Variants in RIC8B observed in about 807,000 individuals in gnomAD.
RIC8B encodes the protein chaperone Ric-8B.
Under a neutral mutation model 57.5 loss-of-function variants are expected in RIC8B, and 16 were observed. The observed-to-expected ratio is 0.28, with a 90% CI of 0.19 to 0.42. RIC8B has a LOEUF of 0.42. Ranked by LOEUF, RIC8B falls within the 10% of genes least tolerant of loss-of-function variation. The pLI is 1.00. For synonymous variants in RIC8B, 216 were observed against 250.8 expected, an observed-to-expected ratio of 0.86 and a Z score of 1.31; for missense variants, 481 against 677.0, an observed-to-expected ratio of 0.71 and a Z score of 3.21.
chr12:106,872,732 A>C (rs2136612706), intron 9 of RIC8B, among the ~76,000 whole-genome samples: 1 of 151,722 alleles, frequency 6.6e-6, no homozygotes, highest in South Asian at 2.1e-4. Flanking sequence ...AGGAAAGGTT[A>C]GCAAGGACCT....
chr12:106,803,215 CAAAAAAAAAA>C (rs55853235), intron 2 of RIC8B, among the ~76,000 whole-genome samples: 1 of 84,000 alleles, frequency 1.2e-5, no homozygotes, highest in Non-Finnish European at 2.2e-5. Context: ...TACCCTGTCT[CAAAAAAAAAA>C]AAAAAAAAAA....
intron 2 of RIC8B, among the ~76,000 whole-genome samples, chr12:106,813,823 A>G (rs1048967053): frequency 2.0e-5 from 3 of 152,192 alleles, no homozygotes; most frequent in African/African-American, 4.8e-5. Context: ...TGCCTCACAT[A>G]TAAGGGTAAG....
At chr12:106,848,344 A>G (rs1949301125) in intron 6 of RIC8B, among the ~76,000 whole-genome samples, 1 of 152,204 alleles carries the variant, frequency 6.6e-6, no homozygotes, top group South Asian at 2.1e-4. Context: ...ATTATGTGGA[A>G]TCCTGTACGG....
intron 4 of RIC8B, among the ~76,000 whole-genome samples, chr12:106,834,039 C>T (rs2046477173): frequency 6.6e-6 from 1 of 152,178 alleles, no homozygotes; most frequent in Non-Finnish European, 1.5e-5. Context: ...CAGTAAGATA[C>T]AAGTGCTATG....
At chr12:106,862,809 A>C (rs1949995724) in intron 8 of RIC8B, among the ~76,000 whole-genome samples, 1 of 152,168 alleles carries the variant, frequency 6.6e-6, no homozygotes, top group East Asian at 1.9e-4. Flanking sequence ...TGGAGCTTAC[A>C]TTCAGGCTAT....
At chr12:106,871,481 A>AAG (rs1433628056) in intron 9 of RIC8B, 1 of 140,046 alleles carries the variant, frequency 7.1e-6, no homozygotes, top group African/African-American at 2.7e-5. Flanking sequence ...TAAAAAAAAA[A>AAG]AAAAAAAAAA....
chr12:106,861,530 A>G (rs1949935265), intron 8 of RIC8B, among the ~76,000 whole-genome samples: 1 of 151,970 alleles, frequency 6.6e-6, no homozygotes, highest in Non-Finnish European at 1.5e-5. Context: ...TGTCCTAGAA[A>G]TAAAGACTTT....
intron 2 of RIC8B, among the ~76,000 whole-genome samples, chr12:106,807,203 A>G (rs1168250156): frequency 2.6e-5 from 4 of 152,228 alleles, no homozygotes; most frequent in African/African-American, 9.6e-5. Flanking sequence ...CAGATTCTGT[A>G]TGGTACATCA....
At chr12:106,869,719 A>G (rs1414433132) in intron 8 of RIC8B, among the ~76,000 whole-genome samples, 4 of 152,180 alleles carry the variant, frequency 2.6e-5, no homozygotes, top group Admixed American at 1.3e-4. Context: ...CAGGAGGAAC[A>G]CTTGAGCTCA....
Position 106,851,403 on chromosome 12 carries a change from A to ACT in RIC8B, c.1162-44_1162-43dup, listed in dbSNP as rs766649695. ...CAGTTGCATTGTACCATCCTCACTC[A>ACT]CTCTAGTAGCCTCGATTGATGATGG... On this transcript the variant is annotated intron_variant, in intron 6 of 9. Transcript: ENST00000392837. The ACT allele has an allele frequency of 8.8e-6, 14 of 1,582,726 alleles. No homozygotes were observed. In the South Asian group the frequency reaches 1.5e-4, roughly 16 times the overall value.
chr12:106,841,012 C>T (rs767023196), intron 4 of RIC8B, among the ~76,000 whole-genome samples: 2 of 152,142 alleles, frequency 1.3e-5, no homozygotes, highest in Non-Finnish European at 2.9e-5. Flanking sequence ...GTAACAATTT[C>T]TAAGTGCTTA....
intron 8 of RIC8B, among the ~76,000 whole-genome samples, chr12:106,864,357 C>G (rs2100176296): frequency 6.6e-6 from 1 of 152,068 alleles, no homozygotes; most frequent in African/African-American, 2.4e-5. Flanking sequence ...TCTGTGTTGC[C>G]TATTTCTCCA....
chr12:106,824,941 AGTAGTT>A (rs1297583091), intron 3 of RIC8B, among the ~76,000 whole-genome samples: 2 of 152,080 alleles, frequency 1.3e-5, no homozygotes, highest in Non-Finnish European at 2.9e-5. Flanking sequence ...ATAATTTTTT[AGTAGTT>A]TTTGAGGTAG....
At chr12:106,809,585 G>A (rs1202441174) in intron 2 of RIC8B, among the ~76,000 whole-genome samples, 1 of 149,072 alleles carries the variant, frequency 6.7e-6, no homozygotes, top group Non-Finnish European at 1.5e-5. Flanking sequence ...TTCTTAGATT[G>A]AGAAACATAA....
chr12:106,790,272 T>A (rs1005462595), intron 2 of RIC8B, among the ~76,000 whole-genome samples: 1 of 152,228 alleles, frequency 6.6e-6, no homozygotes, highest in African/African-American at 2.4e-5. Context: ...CTTGAAATTA[T>A]CATCCAGTAC....
intron 2 of RIC8B, among the ~76,000 whole-genome samples, chr12:106,797,475 A>C (rs916666832): frequency 1.3e-5 from 2 of 152,188 alleles, no homozygotes; most frequent in East Asian, 3.9e-4. Flanking sequence ...GTAGATTCAT[A>C]GTTGCCAGGG....
intron 4 of RIC8B, among the ~76,000 whole-genome samples, chr12:106,836,113 C>G (rs919164425): frequency 6.6e-6 from 1 of 152,200 alleles, no homozygotes; most frequent in Non-Finnish European, 1.5e-5. Context: ...CTTGATCTGT[C>G]AGCATCATTT....
chr12:106,876,407 A>G (rs1950667184), intron 9 of RIC8B, among the ~76,000 whole-genome samples: 1 of 152,194 alleles, frequency 6.6e-6, no homozygotes, highest in African/African-American at 2.4e-5. Context: ...ATTTAAGAGT[A>G]CATACACTTG....
intron 9 of RIC8B, among the ~76,000 whole-genome samples, chr12:106,878,676 G>A (rs919708983): frequency 1.3e-5 from 2 of 152,040 alleles, no homozygotes; most frequent in Non-Finnish European, 2.9e-5. Flanking sequence ...TTAAGAAATG[G>A]TTCCCAATTA....
Sources: allele counts gnomAD v4.1 joint callset (sites outside exome capture counted in the v4.1 genomes callset), GRCh38; gene constraint gnomAD v4.1.1; transcripts MANE v1.5; gene names NCBI Gene and HGNC (gene_info 2026-07-23, HGNC 2026-07-21).